Variants in CCNY observed in about 807,000 individuals in gnomAD.
The protein encoded by CCNY is cyclin Y.
A neutral mutation model predicts 42.8 loss-of-function variants in CCNY; 19 were observed. The observed-to-expected ratio is 0.44, with a 90% CI of 0.31 to 0.65. The LOEUF (loss-of-function observed/expected upper bound fraction) is 0.65, where lower values mean the gene tolerates loss of function less well. Among genes scored for constraint, CCNY ranks in the 30% least tolerant of loss-of-function variants. The probability of loss-of-function intolerance (pLI) is 0.07; values close to 1 mark genes in which losing one functional copy is unlikely to be tolerated. For missense variants in CCNY, 370 were observed against 437.3 expected (o/e 0.85, Z 1.37); for synonymous variants, 165 against 162.7 (o/e 1.01, Z -0.11).
intron 1 of CCNY, among the ~76,000 whole-genome samples, chr10:35,345,787 C>T (rs1382760871): frequency 2.0e-5 from 3 of 152,194 alleles, no homozygotes; most frequent in Admixed American, 6.5e-5. Context: ...ATAGAGCTGT[C>T]TGACCTTTGA....
chr10:35,518,351 A>T (rs1284996098), intron 4 of CCNY, among the ~76,000 whole-genome samples: 1 of 152,230 alleles, frequency 6.6e-6, no homozygotes, highest in Non-Finnish European at 1.5e-5. Context: ...CTCCTTACAG[A>T]TCTTGATTGA....
chr10:35,313,977 G>GAAAAAAAAA (rs71523375), intron 3 of CCNY, among the ~76,000 whole-genome samples: 1 of 79,770 alleles, frequency 1.3e-5, no homozygotes, highest in Non-Finnish European at 2.4e-5. Flanking sequence ...GTTCATCTCG[G>GAAAAAAAAA]AAAAAAAAAA....
At chr10:35,369,237 G>C (rs968218928) in intron 1 of CCNY, among the ~76,000 whole-genome samples, 4 of 152,252 alleles carry the variant, frequency 2.6e-5, no homozygotes, top group African/African-American at 9.6e-5. Context: ...GTGAGCATCA[G>C]CGGGACAGGA....
At chr10:35,380,742 C>T (rs1837164979) in intron 1 of CCNY, among the ~76,000 whole-genome samples, 1 of 152,184 alleles carries the variant, frequency 6.6e-6, no homozygotes, top group South Asian at 2.1e-4. Flanking sequence ...TGGGGTCTCC[C>T]AGTCCGCAGC....
At chr10:35,419,929 T>A (rs1333284824) in intron 1 of CCNY, among the ~76,000 whole-genome samples, 1 of 151,594 alleles carries the variant, frequency 6.6e-6, no homozygotes, top group East Asian at 1.9e-4. Flanking sequence ...TGTAATTTTT[T>A]TTTTTTTTTT....
intron 7 of CCNY, among the ~76,000 whole-genome samples, chr10:35,536,291 C>T (rs537974714): frequency 6.6e-6 from 1 of 152,296 alleles, no homozygotes; most frequent in South Asian, 2.1e-4. Context: ...TCTAAGGCCT[C>T]CCCAGCCATG....
intron 1 of CCNY, among the ~76,000 whole-genome samples, chr10:35,354,481 G>A (rs563731596): frequency 6.5e-4 from 99 of 152,200 alleles, no homozygotes; most frequent in African/African-American, 2.3e-3. Context: ...CACCGCACCT[G>A]GCTGGAAGCC....
At chr10:35,407,573 C>A (rs1015630170) in intron 1 of CCNY, among the ~76,000 whole-genome samples, 1 of 152,018 alleles carries the variant, frequency 6.6e-6, no homozygotes, top group East Asian at 1.9e-4. Context: ...TCGAAAGTGC[C>A]GTTTTCTGGC....
chr10:35,417,302 C>A (rs554750387), intron 1 of CCNY, among the ~76,000 whole-genome samples: 1 of 152,310 alleles, frequency 6.6e-6, no homozygotes, highest in East Asian at 1.9e-4. Flanking sequence ...GAGGACAAGC[C>A]GATCCCATTA....
chr10:35,248,661 A>G (rs1366823480), intron 2 of CCNY, among the ~76,000 whole-genome samples: 1 of 151,634 alleles, frequency 6.6e-6, no homozygotes, highest in Admixed American at 6.6e-5. Context: ...AAAAAAAGAA[A>G]GAAAGAAAAG....
intron 7 of CCNY, among the ~76,000 whole-genome samples, chr10:35,551,080 C>T (rs1303870903): frequency 6.6e-6 from 1 of 152,212 alleles, no homozygotes; most frequent in South Asian, 2.1e-4. Flanking sequence ...GAGAACACAC[C>T]TACCTAGCTG....
At chr10:35,479,300 T>A (rs1201607597) in intron 1 of CCNY, among the ~76,000 whole-genome samples, 1 of 151,650 alleles carries the variant, frequency 6.6e-6, no homozygotes, top group Non-Finnish European at 1.5e-5. Flanking sequence ...TAAAGGCACA[T>A]GCACACGTAT....
Position 35,415,332 on chromosome 10 carries a change from C to T in CCNY, c.155-68072C>T, listed in dbSNP as rs915375739. 1.3e-4 allele frequency among the ~76,000 whole-genome samples: 19 copies of T among 151,694 alleles called. 1 individual carries two copies. The highest frequency in any genetic ancestry group is 8.5e-4 in the Admixed American group (13 of 15,206). On this transcript the variant is annotated intron_variant, in intron 1 of 9. Coordinates refer to ENST00000374704, the MANE Select transcript of CCNY (RefSeq NM_145012.6). ...CAGAAGAGATAGAGCCTGGTCCTGA[C>T]GGCAGGTGGGCTTTGTAGGCCTTGG...
At chr10:35,287,854 G>A (rs1274761987) in intron 3 of CCNY, among the ~76,000 whole-genome samples, 2 of 151,966 alleles carry the variant, frequency 1.3e-5, no homozygotes, top group Admixed American at 1.3e-4. Flanking sequence ...TGGGGTTTCA[G>A]CATGTTGGCC....
Position 35,407,619 on chromosome 10 carries a change from A to G in CCNY, c.154+70412A>G, listed in dbSNP as rs557706664. On this transcript the variant is annotated intron_variant, in intron 1 of 9. Transcript: ENST00000374704. ...CACTGTCGAGTTTGTATTGGGGTCA[A>G]GCGGCATTGCAGAAGAAAATAAGAC... Among the ~76,000 whole-genome samples the G allele has an allele frequency of 1.6e-4, 25 of 152,282 alleles. No homozygotes were observed. In the South Asian group the frequency reaches 5.0e-3, roughly 30 times the overall value.
In CCNY at chr10:35,292,695, CT is replaced by C. The variant is rs532165792; in HGVS notation, c.-9+42077del. On this transcript the variant is annotated intron_variant, in intron 3 of 11. Coordinates refer to the CCNY transcript ENST00000374706. ...TGAATTTTTATGGCGTCCAGTTTAT[CT>C]TTTTTTTCTTTCATTGCCTCTGCTT... Among the ~76,000 whole-genome samples the C allele has an allele frequency of 2.3e-3, 338 of 148,936 alleles. 2 individuals carry two copies. The highest frequency in any genetic ancestry group is 7.7e-3 in the African/African-American group (313 of 40,598).
At chr10:35,500,074 T>G (rs1840080267) in intron 2 of CCNY, among the ~76,000 whole-genome samples, 1 of 152,230 alleles carries the variant, frequency 6.6e-6, no homozygotes, top group Admixed American at 6.5e-5. Flanking sequence ...CTCCATGCTG[T>G]GCATAGCAGA....
intron 7 of CCNY, among the ~76,000 whole-genome samples, chr10:35,548,225 A>G (rs1210788817): frequency 1.3e-5 from 2 of 149,938 alleles, no homozygotes; most frequent in Non-Finnish European, 3.0e-5. Flanking sequence ...AGTAAGCCAG[A>G]GAAAAGAAAA....
chr10:35,541,391 TG>T (rs1443397568), intron 7 of CCNY, among the ~76,000 whole-genome samples: 1 of 152,176 alleles, frequency 6.6e-6, no homozygotes, highest in East Asian at 1.9e-4. Context: ...GAACTGATAC[TG>T]GTTATTATTA....
Sources: allele counts gnomAD v4.1 joint callset (sites outside exome capture counted in the v4.1 genomes callset), GRCh38; gene constraint gnomAD v4.1.1; transcripts MANE v1.5; gene names NCBI Gene and HGNC (gene_info 2026-07-23, HGNC 2026-07-21).